The following DHRSX variants were observed in gnomAD, a reference collection of about 807,000 sequenced individuals.
DHRSX encodes the protein polyprenol dehydrogenase.
A neutral mutation model predicts 34.0 loss-of-function variants in DHRSX; 31 were observed. The observed-to-expected ratio is 0.91, with a 90% CI of 0.69 to 1.23. The LOEUF (loss-of-function observed/expected upper bound fraction) is 1.23. Ranked by LOEUF, DHRSX falls within the 50% of genes most tolerant of loss-of-function variation. The probability of loss-of-function intolerance (pLI) is 0.00; values close to 1 mark genes in which losing one functional copy is unlikely to be tolerated. For synonymous variants in DHRSX, 201 were observed against 183.8 expected, an observed-to-expected ratio of 1.09 and a Z score of -0.76; for missense variants, 414 against 428.1, an observed-to-expected ratio of 0.97 and a Z score of 0.29.
intron 1 of DHRSX, among the ~76,000 whole-genome samples, chrX:2,467,760 A>C (rs962837881): frequency 1.4e-4 from 22 of 152,082 alleles, no homozygotes; most frequent in African/African-American, 5.3e-4. Flanking sequence ...GGATCACCTG[A>C]GGTCAGGGGT....
intron 1 of DHRSX, among the ~76,000 whole-genome samples, chrX:2,452,343 C>T (rs2044234068): frequency 6.6e-6 from 1 of 150,476 alleles, no homozygotes; most frequent in South Asian, 2.1e-4. Context: ...GCACTGAAGA[C>T]GTTCCCTAGG....
chrX:2,457,584 G>C (rs2044320699), intron 1 of DHRSX, among the ~76,000 whole-genome samples: 1 of 151,804 alleles, frequency 6.6e-6, no homozygotes, highest in African/African-American at 2.4e-5. Context: ...CTGTGGCTAA[G>C]GGACAGCCGC....
At chrX:2,413,627 A>C (rs1178332491) in intron 2 of DHRSX, among the ~76,000 whole-genome samples, 1 of 152,228 alleles carries the variant, frequency 6.6e-6, no homozygotes, top group East Asian at 1.9e-4. Flanking sequence ...TTTCACATGT[A>C]CTATTCATGG....
intron 3 of DHRSX, among the ~76,000 whole-genome samples, chrX:2,404,942 G>A (rs930287180): frequency 1.3e-5 from 2 of 152,224 alleles, no homozygotes; most frequent in Non-Finnish European, 2.9e-5. Flanking sequence ...GAAAAGATCT[G>A]GCCAGGCTGC....
rs765986124 is a variant in DHRSX at position 2,489,426 on chromosome X, T to C, written c.109+11391A>G. The C allele has an allele frequency of 3.7e-6, 6 of 1,613,748 alleles. No homozygotes were observed. The South Asian group carries it at 4.4e-5, about 12-fold the overall frequency. ...TCGGTCTCCTTGATGTTGAGCGTGG[T>C]GTTCAGGAGCATGTGCAGCAGCGGC... On this transcript the variant is annotated intron_variant, in intron 1 of 6. Transcript: ENST00000334651.
chrX:2,402,686 G>T (rs146316306), intron 3 of DHRSX, among the ~76,000 whole-genome samples: 34 of 145,770 alleles, frequency 2.3e-4, no homozygotes, highest in Non-Finnish European at 7.5e-5. Context: ...AACCTGTTCA[G>T]ATTTTAAACT....
chrX:2,486,729 C>A (rs1227366401), intron 1 of DHRSX: 2 of 152,386 alleles, frequency 1.3e-5, no homozygotes, highest in East Asian at 3.9e-4. Context: ...GCCCTTCTGC[C>A]GAGAACACCC....
chrX:2,382,975 TCAC>T (rs1233442297), intron 3 of DHRSX, among the ~76,000 whole-genome samples: 4 of 58,768 alleles, frequency 6.8e-5, no homozygotes, highest in Non-Finnish European at 1.2e-4. Flanking sequence ...ATCACCATCA[TCAC>T]CATCATCAGC....
intron 6 of DHRSX, among the ~76,000 whole-genome samples, chrX:2,236,268 G>A (rs1210295063): frequency 6.6e-6 from 1 of 152,146 alleles, no homozygotes; most frequent in Non-Finnish European, 1.5e-5. Flanking sequence ...CCCAGGAGAA[G>A]CCCTGTCTTC....
chrX:2,358,536 G>A (rs1353443955), intron 3 of DHRSX, among the ~76,000 whole-genome samples: 3 of 151,900 alleles, frequency 2.0e-5, no homozygotes, highest in Non-Finnish European at 4.4e-5. Context: ...CCTCTACTAA[G>A]AATACAAAAA....
chrX:2,256,756 A>G (rs551855751), intron 5 of DHRSX, among the ~76,000 whole-genome samples: 48 of 152,180 alleles, frequency 3.2e-4, no homozygotes, highest in African/African-American at 1.1e-3. Flanking sequence ...GGCAATGATT[A>G]TATCAGGCAA....
At chrX:2,443,201 T>C (rs2044084124) in intron 1 of DHRSX, among the ~76,000 whole-genome samples, 1 of 151,920 alleles carries the variant, frequency 6.6e-6, no homozygotes, top group Non-Finnish European at 1.5e-5. Flanking sequence ...CAGCTAATTT[T>C]TTTTAAATTT....
intron 1 of DHRSX, among the ~76,000 whole-genome samples, chrX:2,498,669 A>G (rs747823859): frequency 6.6e-6 from 1 of 151,586 alleles, no homozygotes; most frequent in East Asian, 1.9e-4. Context: ...TCTAATGCAC[A>G]AAGAGCAAGT....
At chrX:2,468,734 T>C (rs991886401) in intron 1 of DHRSX, among the ~76,000 whole-genome samples, 2 of 148,488 alleles carry the variant, frequency 1.3e-5, no homozygotes, top group Admixed American at 1.3e-4. Flanking sequence ...CTGAAGACTT[T>C]CCCTAGGGAT....
In DHRSX at chrX:2,289,378, A is replaced by G. The variant is rs139791345; in HGVS notation, c.388+2124T>C. ...GGTGATCCACTCACCTCAGCCTCCCAAAGTGTTGGGATTACAGGGGTGAGC... is the reference window on the plus strand; with the variant it reads ...GGTGATCCACTCACCTCAGCCTCCCGAAGTGTTGGGATTACAGGGGTGAGC... On this transcript the variant is annotated intron_variant, in intron 4 of 6. Coordinates refer to ENST00000334651, the MANE Select transcript of DHRSX (RefSeq NM_145177.3). Among the ~76,000 whole-genome samples, 1,031 of 152,224 alleles carry G rather than the reference A, an allele frequency of 6.8e-3. 7 individuals carry two copies. The highest frequency in any genetic ancestry group is 0.024 in the African/African-American group (982 of 41,526).
chrX:2,363,195 A>C (rs2042955375), intron 3 of DHRSX, among the ~76,000 whole-genome samples: 1 of 121,372 alleles, frequency 8.2e-6, no homozygotes, highest in Non-Finnish European at 1.9e-5. Context: ...GTTCTATGGT[A>C]TCATGCCGCC....
intron 5 of DHRSX, among the ~76,000 whole-genome samples, chrX:2,243,785 CCTGTTTTTTTTTTTTTTT>C (rs2016201657): frequency 2.8e-5 from 2 of 71,514 alleles, no homozygotes; most frequent in Admixed American, 1.4e-4. Context: ...CACTATGCTC[CCTGTTTTTTTTTTTTTTT>C]TTTTTTTTTT....
In DHRSX at chrX:2,445,318, T is replaced by C. The variant is rs1467275234; in HGVS notation, c.110-20014A>G. Among the ~76,000 whole-genome samples, 3 of 152,162 alleles carry C rather than the reference T, an allele frequency of 2.0e-5. No homozygotes were observed. The South Asian group carries it at 6.2e-4, about 32-fold the overall frequency. ...ACTGCGTACCACCTATATTTTGCCG[T>C]GACCAGGATTTTTATATAAGCCCAC... On this transcript the variant is annotated intron_variant, in intron 1 of 6. Coordinates refer to ENST00000334651, the MANE Select transcript of DHRSX (RefSeq NM_145177.3).
intron 1 of DHRSX, chrX:2,486,473 C>T (rs1292416021): frequency 1.3e-5 from 2 of 152,178 alleles, no homozygotes; most frequent in African/African-American, 4.8e-5. Context: ...TCCAACTTTA[C>T]AGCATTAAAT....
Sources: gnomAD v4.1 joint callset for allele counts (sites outside exome capture counted in the v4.1 genomes callset) on GRCh38, gnomAD v4.1.1 for gene constraint, MANE v1.5 for transcripts, NCBI Gene and HGNC (gene_info 2026-07-23, HGNC 2026-07-21) for gene names.